CSMD3: variants seen among roughly 807,000 people sequenced by gnomAD.
CSMD3 encodes CUB and sushi domain-containing protein 3.
CSMD3 carries 177 observed loss-of-function variants against 435.2 expected under a neutral mutation model. The observed-to-expected ratio is 0.41, with a 90% CI of 0.36 to 0.46. CSMD3 has a LOEUF of 0.46. Ranked by LOEUF, CSMD3 falls within the 20% of genes least tolerant of loss-of-function variation. CSMD3 has a pLI of 0.34. For synonymous variants in CSMD3, 1,656 were observed against 1,520.5 expected, an observed-to-expected ratio of 1.09 and a Z score of -2.07; for missense variants, 4,265 against 4,504.6, an observed-to-expected ratio of 0.95 and a Z score of 1.52.
intron 23 of CSMD3, among the ~76,000 whole-genome samples, chr8:112,584,910 C>G (rs932503423): frequency 6.6e-6 from 1 of 151,622 alleles, no homozygotes; most frequent in Admixed American, 6.6e-5. Context: ...AATAACTTTC[C>G]ACCCTAAGAT....
intron 32 of CSMD3, among the ~76,000 whole-genome samples, chr8:112,454,596 T>C (rs926406802): frequency 1.3e-5 from 2 of 152,056 alleles, no homozygotes; most frequent in African/African-American, 4.8e-5. Flanking sequence ...ATAACAGATA[T>C]CGATGAGGCT....
chr8:112,349,339 G>C (rs150912520), intron 40 of CSMD3, among the ~76,000 whole-genome samples: 1 of 151,736 alleles, frequency 6.6e-6, no homozygotes, highest in East Asian at 1.9e-4. Context: ...ATTCTTACAC[G>C]TTAACATCAA....
chr8:112,338,800 G>A (rs898682063), intron 42 of CSMD3, among the ~76,000 whole-genome samples: 1 of 152,004 alleles, frequency 6.6e-6, no homozygotes, highest in Non-Finnish European at 1.5e-5. Flanking sequence ...ATTAGAAAGA[G>A]TTCTTATTCC....
chr8:112,555,498 T>A (rs142237931), intron 25 of CSMD3, among the ~76,000 whole-genome samples: 1,715 of 152,112 alleles, frequency 0.011, 42 homozygotes, highest in African/African-American at 0.038. Flanking sequence ...TGATTATTGA[T>A]CATATTCCAG....
rs73335596 is a variant in CSMD3, at chr8:113,268,342, G to A, written c.514+10250C>T. 3.6e-3 allele frequency among the ~76,000 whole-genome samples: 536 copies of A among 149,070 alleles called. 2 individuals are homozygous for A. The highest frequency in any genetic ancestry group is 0.013 in the African/African-American group (500 of 39,594). ...AAGTTAATATTTTTTCAATTTTATTGTTTCTCAGAAGAACTTTTTACTCAT... is the reference window on the plus strand; with the variant it reads ...AAGTTAATATTTTTTCAATTTTATTATTTCTCAGAAGAACTTTTTACTCAT... On this transcript the variant is annotated intron_variant, in intron 3 of 70. Transcript: ENST00000297405.
chr8:112,410,684 A>ATG (rs1811219047), intron 32 of CSMD3, among the ~76,000 whole-genome samples: 1 of 135,958 alleles, frequency 7.4e-6, no homozygotes, highest in Non-Finnish European at 1.6e-5. Flanking sequence ...GTGTATATAT[A>ATG]TATGTATATA....
Position 113,278,596 on chromosome 8 carries a change from G to T in CSMD3, c.510C>A (p.Tyr170Ter). ...TTTGCCACTACCATCACTTACCTTCGTAATATACCTTAAATCCATGAGCAC... is the reference window on the plus strand; with the variant it reads ...TTTGCCACTACCATCACTTACCTTCTTAATATACCTTAAATCCATGAGCAC... ...AVSAHGFKVY[Y>*]EELQSSSCGN... The change falls in exon 3 of 71, where the codon TAC (tyrosine) becomes TAA (stop). Residue 170 changes from tyrosine to a stop codon, truncating the protein, a stop_gained. Coordinates refer to ENST00000297405, the MANE Select transcript of CSMD3 (RefSeq NM_198123.2). LOFTEE classifies it high-confidence loss of function. 6.7e-7 allele frequency: 1 copy of T among 1,484,990 alleles called. No homozygotes were observed. The highest frequency in any genetic ancestry group is 9.4e-7 in the Non-Finnish European group (1 of 1,063,090). 92.0% of individuals were successfully genotyped at this position (1,484,990 alleles called of 1,614,324 possible). A position where few individuals can be genotyped will look rare whatever the true frequency, so the allele number is the denominator to read the frequency against.
intron 1 of CSMD3, among the ~76,000 whole-genome samples, chr8:113,332,949 A>C (rs990876498): frequency 6.6e-6 from 1 of 151,774 alleles, no homozygotes; most frequent in African/African-American, 2.4e-5. Context: ...AATTGAATAA[A>C]ATTGAGTCCA....
At chr8:112,811,782 T>G (rs2079235121) in intron 12 of CSMD3, among the ~76,000 whole-genome samples, 1 of 152,090 alleles carries the variant, frequency 6.6e-6, no homozygotes, top group Non-Finnish European at 1.5e-5. Context: ...ATTCATTGGG[T>G]TGGTAGGTGA....
intron 3 of CSMD3, among the ~76,000 whole-genome samples, chr8:113,197,052 A>T (rs2092664888): frequency 6.6e-6 from 1 of 151,224 alleles, no homozygotes; most frequent in Non-Finnish European, 1.5e-5. Flanking sequence ...ACAGGACATA[A>T]AAAGTGTTCA....
At chr8:112,481,870 T>G (rs77664743) in intron 31 of CSMD3, among the ~76,000 whole-genome samples, 1 of 152,166 alleles carries the variant, frequency 6.6e-6, no homozygotes, top group Non-Finnish European at 1.5e-5. Flanking sequence ...ATCCAGCCAT[T>G]CCCTTCATGT....
intron 1 of CSMD3, among the ~76,000 whole-genome samples, chr8:113,411,820 T>C (rs2094561048): frequency 6.6e-6 from 1 of 152,180 alleles, no homozygotes; most frequent in South Asian, 2.1e-4. Context: ...AAAAACTCTT[T>C]TAGCACATCA....
chr8:112,428,842 T>G (rs149856601), intron 32 of CSMD3, among the ~76,000 whole-genome samples: 186 of 152,254 alleles, frequency 1.2e-3, no homozygotes, highest in African/African-American at 4.3e-3. Flanking sequence ...TAATGGGCAT[T>G]AATACTGGCA....
rs546094782 is a variant in CSMD3 at position 112,544,835 on chromosome 8, G to A, written c.4564+5836C>T. Reference sequence around the variant, plus strand: ...ATATCAGCTTTCTTAAGAAATGAATGTTCAGTACAAACTTTTTCATTAAAC... The same window carrying A: ...ATATCAGCTTTCTTAAGAAATGAATATTCAGTACAAACTTTTTCATTAAAC... On this transcript the variant is annotated intron_variant, in intron 27 of 70. Transcript: ENST00000297405. Among the ~76,000 whole-genome samples, 381 of 152,230 alleles carry A rather than the reference G, an allele frequency of 2.5e-3. 3 individuals are homozygous for A. The highest frequency in any genetic ancestry group is 8.9e-3 in the African/African-American group (369 of 41,544).
intron 12 of CSMD3, among the ~76,000 whole-genome samples, chr8:112,808,057 A>T (rs1161742795): frequency 6.6e-6 from 1 of 152,170 alleles, no homozygotes; most frequent in East Asian, 1.9e-4. Context: ...AATATTAAAG[A>T]GATGAGCTGT....
intron 3 of CSMD3, among the ~76,000 whole-genome samples, chr8:113,191,055 A>G (rs2092577656): frequency 6.6e-6 from 1 of 151,806 alleles, no homozygotes; most frequent in Non-Finnish European, 1.5e-5. Context: ...TGTTCTTGAT[A>G]TTAGATTCAA....
chr8:113,281,342 G>A (rs939922005), intron 2 of CSMD3, among the ~76,000 whole-genome samples: 18 of 151,596 alleles, frequency 1.2e-4, no homozygotes, highest in Non-Finnish European at 2.4e-4. Context: ...TATAAATTTG[G>A]GACCTCCAGT....
At chr8:112,965,244 C>A (rs1241404288) in intron 7 of CSMD3, among the ~76,000 whole-genome samples, 1 of 151,928 alleles carries the variant, frequency 6.6e-6, no homozygotes, top group East Asian at 1.9e-4. Context: ...ATCTCATTCA[C>A]AGGTAAAAGA....
intron 5 of CSMD3, among the ~76,000 whole-genome samples, chr8:113,023,346 C>T (rs1246099952): frequency 6.6e-6 from 1 of 151,958 alleles, no homozygotes; most frequent in Non-Finnish European, 1.5e-5. Context: ...ACCTCCATGA[C>T]TTTGTATCCC....
Sources: gnomAD v4.1 joint callset for allele counts (sites outside exome capture counted in the v4.1 genomes callset) on GRCh38, gnomAD v4.1.1 for gene constraint, MANE v1.5 for transcripts, NCBI Gene and HGNC (gene_info 2026-07-23, HGNC 2026-07-21) for gene names.